CENPE: variants seen among roughly 807,000 people sequenced by gnomAD.
The protein encoded by CENPE is centromere-associated protein E.
Under a neutral mutation model 336.1 loss-of-function variants are expected in CENPE, and 145 were observed. The ratio of observed to expected loss-of-function variants is 0.43; its 90% CI spans 0.38 to 0.50. The LOEUF (loss-of-function observed/expected upper bound fraction) is 0.50, where lower values mean the gene tolerates loss of function less well. Among genes scored for constraint, CENPE ranks in the 20% least tolerant of loss-of-function variants. The probability of loss-of-function intolerance (pLI) is 0.00; values close to 1 mark genes in which losing one functional copy is unlikely to be tolerated. For synonymous variants in CENPE, 1,013 were observed against 984.8 expected (o/e 1.03, Z -0.54); for missense variants, 2,719 against 3,023.3 (o/e 0.90, Z 2.36).
chr4:103,132,771 T>C lies in CENPE; in HGVS notation c.6846A>G (p.Ile2282Met). Reference protein sequence around the residue: ...LEEWLNTRFDIEKLKNGIQKE... With the variant: ...LEEWLNTRFDMEKLKNGIQKE... ...TCTGGATGCCATTTTTAAGCTTTTC[T>C]ATATCAAAACGAGTATTTAACCACT... Residue 2282 changes from isoleucine to methionine, a missense_variant, in exon 42 of 49, where the codon ATA becomes ATG. Coordinates refer to ENST00000265148, the MANE Select transcript of CENPE (RefSeq NM_001813.3). 6.3e-7 allele frequency: 1 copy of C among 1,583,466 alleles called. No homozygotes were observed. The highest frequency in any genetic ancestry group is 8.6e-7 in the Non-Finnish European group (1 of 1,157,360).
At chr4:103,106,650 T>G (rs1297940417) in intron 48 of CENPE, among the ~76,000 whole-genome samples, 1 of 152,212 alleles carries the variant, frequency 6.6e-6, no homozygotes, top group Admixed American at 6.5e-5. Context: ...ATAAATGGTG[T>G]GCTAAACAAA....
At position 103,116,463 on chromosome 4, in the gene CENPE, T is replaced by C. The variant is rs1241428316; in HGVS notation, c.7442+114A>G. 5.6e-6 allele frequency: 3 copies of C among 531,028 alleles called. No homozygotes were observed. The Admixed American group carries it at 1.1e-4, about 20-fold the overall frequency. The allele number at this position is 531,028 out of a possible 1,614,324, so 32.9% of individuals were successfully genotyped here. ...ATGTGTACATTTTTAAAAAAAGAGC[T>C]GTAACAATATTTTCATAAATTATAT... On this transcript the variant is annotated intron_variant, in intron 45 of 48. Coordinates refer to ENST00000265148, the MANE Select transcript of CENPE (RefSeq NM_001813.3).
At chr4:103,194,185 GT>G in intron 8 of CENPE, 43 bp downstream of exon 8, 1 of 1,447,214 alleles carries the variant, frequency 6.9e-7, no homozygotes, top group Non-Finnish European at 9.6e-7. Context: ...ATTAAATTTT[GT>G]TTTGGCCCAT....
chr4:103,192,954 A>G (rs977623738), intron 8 of CENPE, among the ~76,000 whole-genome samples: 1 of 151,736 alleles, frequency 6.6e-6, no homozygotes, highest in African/African-American at 2.4e-5. Context: ...GGTAGGGAAA[A>G]AGAAGCCAGG....
intron 8 of CENPE, among the ~76,000 whole-genome samples, chr4:103,192,367 T>C (rs1757430202): frequency 6.6e-6 from 1 of 152,186 alleles, no homozygotes; most frequent in Non-Finnish European, 1.5e-5. Flanking sequence ...GGAGTTCATG[T>C]AGAGCAGAAG....
intron 9 of CENPE, among the ~76,000 whole-genome samples, chr4:103,184,191 C>A (rs1005416340): frequency 6.6e-6 from 1 of 152,174 alleles, no homozygotes; most frequent in Non-Finnish European, 1.5e-5. Context: ...GTTCACAGGT[C>A]TGAGGATGGA....
At chr4:103,136,465 G>C in intron 39 of CENPE, 106 bp from the exon 40 acceptor site, 1 of 723,328 alleles carries the variant, frequency 1.4e-6, no homozygotes, top group Non-Finnish European at 2.1e-6. Context: ...AACATTTTCT[G>C]TAGGAGAGAA....
rs150965688 is a variant in CENPE, at chr4:103,180,357, C to T, written c.1196G>A (p.Arg399Gln). 248 of 1,612,882 alleles carry T rather than the reference C, an allele frequency of 1.5e-4. No homozygotes were observed. The highest frequency in any genetic ancestry group is 1.9e-4 in the Non-Finnish European group (223 of 1,179,310). ...GAGGGAAGAAGAGGTCACCAGCATC[C>T]GTGTTAAGTTTTCAATTTTCTCATT... is the stretch of plus-strand genomic sequence containing the variant. ...VQNEKIENLTRMLVTSSSLTL... is the reference protein window; with the variant it reads ...VQNEKIENLTQMLVTSSSLTL... Residue 399 changes from arginine (R) to glutamine (Q), a missense_variant, in exon 13 of 49, where the codon CGG (arginine) becomes CAG (glutamine). Physicochemically the swap from Arg to Gln is conservative, Grantham distance 43. This residue lies in a region of CENPE where 117 missense variants were observed against 215.8 expected (regional missense o/e 0.54). Transcript: ENST00000265148.
chr4:103,166,658 AG>A (rs1754947597), intron 16 of CENPE, among the ~76,000 whole-genome samples: 1 of 152,198 alleles, frequency 6.6e-6, no homozygotes, highest in East Asian at 1.9e-4. Flanking sequence ...TCGAGGAAAA[AG>A]GGTCATGGCC....
intron 8 of CENPE, among the ~76,000 whole-genome samples, chr4:103,190,071 A>T (rs1757160296): frequency 6.6e-6 from 1 of 152,192 alleles, no homozygotes. Context: ...AATACCTAGG[A>T]ATCCAACTTA....
At chr4:103,163,958 A>C (rs557103851) in intron 16 of CENPE, among the ~76,000 whole-genome samples, 1 of 152,260 alleles carries the variant, frequency 6.6e-6, no homozygotes, top group South Asian at 2.1e-4. Flanking sequence ...AAATGTATTA[A>C]TTCTTATAAA....
At chr4:103,157,607 T>C (rs1223889275) in intron 24 of CENPE, among the ~76,000 whole-genome samples, 1 of 151,982 alleles carries the variant, frequency 6.6e-6, no homozygotes, top group Admixed American at 6.6e-5. Context: ...TGTTGCTCAA[T>C]GGGTATAGTT....
At chr4:103,116,370 G>T in intron 45 of CENPE, 2 of 326,402 alleles carry the variant, frequency 6.1e-6, no homozygotes, top group Non-Finnish European at 5.6e-6. Context: ...CGTGTTAATT[G>T]ATCAGAATTG....
At chr4:103,165,651 T>C (rs1754841420) in intron 16 of CENPE, among the ~76,000 whole-genome samples, 1 of 152,142 alleles carries the variant, frequency 6.6e-6, no homozygotes, top group African/African-American at 2.4e-5. Flanking sequence ...GATGTTTTTA[T>C]TACATAATCT....
chr4:103,136,254 T>C lies in CENPE; in HGVS notation c.6409A>G (p.Arg2137Gly). 6.2e-7 allele frequency: 1 copy of C among 1,613,732 alleles called. No individual in the cohort carries two copies. The highest frequency in any genetic ancestry group is 8.5e-7 in the Non-Finnish European group (1 of 1,179,736). The change falls in exon 40 of 49, where the codon AGA becomes GGA. Residue 2137 changes from arginine (R) to glycine (G), a missense_variant. This residue lies in a region of CENPE where 2,437 missense variants were observed against 2,513.3 expected (regional missense o/e 0.97). Transcript: ENST00000265148. ...GGAAGTGAGAGGTTTGCTTTAACTC[T>C]CATTGAAAGCTCTTTTTGGAATTCA... ...EIEFQKELSM[R>G]VKANLSLPYL...
At chr4:103,195,075 G>A in intron 5 of CENPE, 39 bp downstream of exon 5, 1 of 1,518,422 alleles carries the variant, frequency 6.6e-7, no homozygotes, top group Non-Finnish European at 8.8e-7. Flanking sequence ...ATCTCAATAA[G>A]TCAGTCAATT....
intron 8 of CENPE, among the ~76,000 whole-genome samples, chr4:103,186,758 A>T (rs1239606249): frequency 6.6e-6 from 1 of 152,152 alleles, no homozygotes; most frequent in Admixed American, 6.5e-5. Flanking sequence ...GAGCTGGAAA[A>T]GGGGCCAGTA....
intron 43 of CENPE, 91 bp downstream of exon 43, chr4:103,122,780 T>A: frequency 1.1e-6 from 1 of 921,742 alleles, no homozygotes; most frequent in South Asian, 1.5e-5. Context: ...ATAAATGTGT[T>A]CATGTTCAGT....
Position 103,106,292 on chromosome 4 carries a change from C to T in CENPE, c.8036G>A (p.Ser2679Asn), listed in dbSNP as rs368293438. ...CPEVQNAGAE[S>N]VDSQPGPWHA... ...CCAAGGACCTGGCTGAGAATCCACA[C>T]TCTCTGCTCCTGCATTTTGCACCTC... is the stretch of plus-strand genomic sequence containing the variant. The change falls in exon 49 of 49, where the codon AGT becomes AAT. Residue 2679 changes from serine to asparagine, a missense_variant. Coordinates refer to ENST00000265148, the MANE Select transcript of CENPE (RefSeq NM_001813.3). 3 of 1,595,398 alleles carry T rather than the reference C, an allele frequency of 1.9e-6. No homozygotes were observed. The highest frequency in any genetic ancestry group is 2.6e-6 in the Non-Finnish European group (3 of 1,169,510).
Sources: allele counts gnomAD v4.1 joint callset (sites outside exome capture counted in the v4.1 genomes callset), GRCh38; gene constraint gnomAD v4.1.1; regional missense constraint gnomAD v4.1.1; transcripts MANE v1.5; gene names NCBI Gene and HGNC (gene_info 2026-07-23, HGNC 2026-07-21).